Variants in SUN3 observed in about 807,000 individuals in gnomAD.
The protein encoded by SUN3 is Sad1 and UNC84 domain containing 3.
A neutral mutation model predicts 48.2 loss-of-function variants in SUN3; 36 were observed. The observed-to-expected ratio is 0.75, with a 90% confidence interval of 0.57 to 0.99. The LOEUF (loss-of-function observed/expected upper bound fraction) is 0.99, where lower values mean the gene tolerates loss of function less well. SUN3 is among the 50% of genes least tolerant of loss of function. The pLI is 0.00. For synonymous variants in SUN3, 148 were observed against 147.9 expected, an observed-to-expected ratio of 1.00 and a Z score of 0.00; for missense variants, 419 against 433.1, an observed-to-expected ratio of 0.97 and a Z score of 0.29.
At chr7:47,991,565 A>G (rs537611537) in intron 8 of SUN3, among the ~76,000 whole-genome samples, 1 of 152,018 alleles carries the variant, frequency 6.6e-6, no homozygotes, top group Non-Finnish European at 1.5e-5. Flanking sequence ...AAACCTATAT[A>G]AGGCAAAAGT....
intron 4 of SUN3, among the ~76,000 whole-genome samples, chr7:48,008,625 T>C (rs1317053713): frequency 6.6e-6 from 1 of 152,224 alleles, no homozygotes; most frequent in Non-Finnish European, 1.5e-5. Context: ...AGTAATTTTC[T>C]AAAGTACTAC....
intron 2 of SUN3, among the ~76,000 whole-genome samples, chr7:48,019,777 C>T (rs576795001): frequency 9.2e-5 from 14 of 151,630 alleles, no homozygotes; most frequent in Non-Finnish European, 1.9e-4. Context: ...GTAATGAGAT[C>T]GAAGCCATAA....
chr7:48,019,362 A>C (rs1789902967), intron 2 of SUN3, among the ~76,000 whole-genome samples: 1 of 152,122 alleles, frequency 6.6e-6, no homozygotes, highest in African/African-American at 2.4e-5. Context: ...ACATCCTATA[A>C]ATGATGTAAT....
At chr7:48,020,293 G>T (rs1789956429) in intron 2 of SUN3, among the ~76,000 whole-genome samples, 3 of 152,020 alleles carry the variant, frequency 2.0e-5, no homozygotes. Flanking sequence ...AAAAAACTGG[G>T]TATAGAAGGA....
chr7:48,025,901 G>A lies in SUN3; in HGVS notation c.160C>T (p.Leu54Phe), dbSNP rs114209249. 2.2e-4 allele frequency: 345 copies of A among 1,602,708 alleles called. 4 individuals carry two copies. The East Asian group carries it at 7.3e-3, about 34-fold the overall frequency. Residue 54 changes from leucine (L) to phenylalanine (F), a missense_variant, in exon 2 of 10, where the codon CTT becomes TTT. Leu to Phe is a conservative substitution (Grantham distance 22). Coordinates refer to ENST00000297325, the MANE Select transcript of SUN3 (RefSeq NM_001030019.2). ...RSWKIILSTM[L>F]TLTFLLVGLL... ...CCTACAAGAAGAAAAGTCAGTGTAA[G>A]CATTGTACTTAGAATAATCTTCCAT...
At chr7:48,015,926 G>T (rs1180898150) in intron 3 of SUN3, among the ~76,000 whole-genome samples, 2 of 152,088 alleles carry the variant, frequency 1.3e-5, no homozygotes, top group African/African-American at 2.4e-5. Context: ...CCCCCTTCTT[G>T]CTTGGGGACC....
At chr7:47,989,688 A>G (rs1289754245) in intron 8 of SUN3, among the ~76,000 whole-genome samples, 1 of 152,228 alleles carries the variant, frequency 6.6e-6, no homozygotes, top group Non-Finnish European at 1.5e-5. Context: ...ATGTGGGGAA[A>G]AGAGAGATCA....
chr7:48,011,366 A>G (rs1408268709), intron 3 of SUN3, among the ~76,000 whole-genome samples: 2 of 152,216 alleles, frequency 1.3e-5, no homozygotes, highest in African/African-American at 4.8e-5. Context: ...TTATTCTGTC[A>G]TGTGTGATAA....
At chr7:48,030,356 C>T (rs1054174089), upstream of SUN3, among the ~76,000 whole-genome samples, 1 of 152,210 alleles carries the variant, frequency 6.6e-6, no homozygotes, top group Non-Finnish European at 1.5e-5. Flanking sequence ...TATGGCCTTT[C>T]CACCCGGCAT....
chr7:48,030,474 A>G (rs1790240541), upstream of SUN3, among the ~76,000 whole-genome samples: 1 of 152,210 alleles, frequency 6.6e-6, no homozygotes, highest in Admixed American at 6.5e-5. Flanking sequence ...ATTGTATTAT[A>G]TATGTAATAT....
intron 3 of SUN3, among the ~76,000 whole-genome samples, chr7:48,011,035 T>C (rs1789668904): frequency 6.7e-6 from 1 of 150,160 alleles, no homozygotes; most frequent in African/African-American, 2.4e-5. Context: ...GTAAGTCTCC[T>C]AAAGAGATCC....
chr7:48,028,398 T>C (rs1164807560), intron 1 of SUN3, among the ~76,000 whole-genome samples: 1 of 123,906 alleles, frequency 8.1e-6, no homozygotes, highest in Non-Finnish European at 1.6e-5. Flanking sequence ...AAGAATGTAA[T>C]AAATGCCACT....
At chr7:48,018,982 A>G (rs922815861) in intron 2 of SUN3, among the ~76,000 whole-genome samples, 5 of 152,220 alleles carry the variant, frequency 3.3e-5, no homozygotes, top group African/African-American at 1.2e-4. Flanking sequence ...TGATTAAAAT[A>G]AATTATGAAA....
chr7:48,012,737 CTA>C (rs1789717273), intron 3 of SUN3, among the ~76,000 whole-genome samples: 1 of 152,198 alleles, frequency 6.6e-6, no homozygotes, highest in Non-Finnish European at 1.5e-5. Flanking sequence ...GCTTGAATAT[CTA>C]TGTTTCTTCC....
chr7:48,032,296 CTAAG>C (rs1156825011), upstream of SUN3, among the ~76,000 whole-genome samples: 3 of 152,120 alleles, frequency 2.0e-5, no homozygotes, highest in Non-Finnish European at 4.4e-5. Context: ...ACAAAGGTAA[CTAAG>C]TGAGATGATG....
chr7:47,987,437 C>T lies in SUN3; in HGVS notation c.967G>A (p.Glu323Lys). 1 of 1,564,954 alleles carries T rather than the reference C, an allele frequency of 6.4e-7. No individual in the cohort carries two copies. Among genetic ancestry groups the T allele is most frequent in the Non-Finnish European group, 8.6e-7 (1 of 1,159,156 alleles). Reference sequence around the variant, plus strand: ...TTAAGTTTCACACATAATAAATATTCAGAAACTGCATGCTGAAAATAAAGA... The same window carrying T: ...TTAAGTTTCACACATAATAAATATTTAGAAACTGCATGCTGAAAATAAAGA... ...QTFELQHAVS[E>K]YLLCVKLNIF... Residue 323 changes from glutamate to lysine, a missense_variant, in exon 10 of 10, where the codon GAA becomes AAA. Coordinates refer to ENST00000297325, the MANE Select transcript of SUN3 (RefSeq NM_001030019.2).
intron 3 of SUN3, among the ~76,000 whole-genome samples, chr7:48,015,777 C>T (rs897821139): frequency 6.6e-6 from 1 of 152,176 alleles, no homozygotes; most frequent in Non-Finnish European, 1.5e-5. Context: ...AGAGACAAGA[C>T]CTATCCGACT....
In SUN3 at chr7:47,996,802, C is replaced by CTT. The variant is rs35247146; in HGVS notation, c.578-658_578-657dup. On this transcript the variant is annotated intron_variant, in intron 6 of 9. Transcript: ENST00000297325. The stretch of plus-strand genomic sequence containing the variant: ...GATTATCCTTACTTTTTCTTTCCTT[C>CTT]TTTTTTTTTTTTTTTTTTGAGACGG... 3.2e-3 allele frequency among the ~76,000 whole-genome samples: 431 copies of CTT among 135,342 alleles called. 5 individuals are homozygous for CTT. The highest frequency in any genetic ancestry group is 9.3e-3 in the African/African-American group (343 of 36,702). The allele number at this position is 135,342 out of a possible 152,430, so 88.8% of individuals were successfully genotyped here.
At chr7:48,013,503 T>C (rs1789734808) in intron 3 of SUN3, among the ~76,000 whole-genome samples, 1 of 152,212 alleles carries the variant, frequency 6.6e-6, no homozygotes, top group Non-Finnish European at 1.5e-5. Flanking sequence ...ATTCTTTACT[T>C]ATTTTTCTTT....
Sources: gnomAD v4.1 joint callset for allele counts (sites outside exome capture counted in the v4.1 genomes callset) on GRCh38, gnomAD v4.1.1 for gene constraint, MANE v1.5 for transcripts, NCBI Gene and HGNC (gene_info 2026-07-23, HGNC 2026-07-21) for gene names.